The following CNTN4 variants were observed in gnomAD, a reference collection of about 807,000 sequenced individuals.
CNTN4 encodes the protein contactin 4.
In CNTN4, 77 loss-of-function variants were observed where a neutral mutation model predicts 122.5. The observed-to-expected ratio is 0.63, with a 90% CI of 0.52 to 0.76. The LOEUF is 0.76. Among genes scored for constraint, CNTN4 ranks in the 30% least tolerant of loss-of-function variants. CNTN4 has a pLI of 0.00. For synonymous variants in CNTN4, 512 were observed against 447.0 expected (o/e 1.15, Z -1.83); for missense variants, 1,256 against 1,259.1 (o/e 1.00, Z 0.04).
At chr3:2,440,380 C>T (rs2048391701) in intron 3 of CNTN4, among the ~76,000 whole-genome samples, 1 of 152,120 alleles carries the variant, frequency 6.6e-6, no homozygotes, top group Non-Finnish European at 1.5e-5. Flanking sequence ...TCTTTAAATT[C>T]CAAATGTATG....
chr3:2,287,693 G>GGAAGAGGAAGAA (rs2041973252), intron 2 of CNTN4, among the ~76,000 whole-genome samples: 10 of 81,006 alleles, frequency 1.2e-4, no homozygotes, highest in South Asian at 5.0e-4. Context: ...AAGAAGAAGA[G>GGAAGAGGAAGAA]GAAGAAGAAG....
At chr3:2,152,835 C>T (rs2035555067) in intron 2 of CNTN4, among the ~76,000 whole-genome samples, 1 of 152,122 alleles carries the variant, frequency 6.6e-6, no homozygotes, top group Admixed American at 6.5e-5. Flanking sequence ...AGATCGGGCT[C>T]AGCCTCTTGT....
chr3:2,661,245 A>G (rs980471016), intron 4 of CNTN4, among the ~76,000 whole-genome samples: 3 of 152,210 alleles, frequency 2.0e-5, no homozygotes, highest in African/African-American at 7.2e-5. Context: ...TATTCATGGC[A>G]GGGAAATATC....
At chr3:2,994,560 A>G (rs544875150) in intron 14 of CNTN4, among the ~76,000 whole-genome samples, 1 of 149,912 alleles carries the variant, frequency 6.7e-6, no homozygotes, top group East Asian at 1.9e-4. Flanking sequence ...CACCCCATAG[A>G]AAGTTTATTT....
At chr3:2,666,358 C>A (rs985046371) in intron 4 of CNTN4, among the ~76,000 whole-genome samples, 1 of 151,922 alleles carries the variant, frequency 6.6e-6, no homozygotes. Context: ...TCAAATAGGT[C>A]ATTATAAGTA....
chr3:2,602,253 C>T (rs921563809), intron 4 of CNTN4, among the ~76,000 whole-genome samples: 1 of 152,084 alleles, frequency 6.6e-6, no homozygotes, highest in African/African-American at 2.4e-5. Context: ...GGCAATCAGG[C>T]AGGAGAAAGA....
chr3:2,300,908 A>G (rs1193955424), intron 2 of CNTN4, among the ~76,000 whole-genome samples: 1 of 151,958 alleles, frequency 6.6e-6, no homozygotes, highest in Admixed American at 6.6e-5. Context: ...AATCAGAGAA[A>G]CCTGGAAAAT....
chr3:2,484,794 C>T (rs937288841), intron 3 of CNTN4, among the ~76,000 whole-genome samples: 2 of 152,230 alleles, frequency 1.3e-5, no homozygotes, highest in Non-Finnish European at 2.9e-5. Flanking sequence ...CCTCCTCAGC[C>T]TCTGCGCCCA....
intron 2 of CNTN4, among the ~76,000 whole-genome samples, chr3:2,110,919 A>G (rs1193984958): frequency 2.0e-5 from 3 of 152,204 alleles, no homozygotes; most frequent in Admixed American, 6.5e-5. Flanking sequence ...GCTTGGCAGT[A>G]GCATCATGTT....
At chr3:2,327,420 C>G (rs902758434) in intron 2 of CNTN4, among the ~76,000 whole-genome samples, 3 of 152,070 alleles carry the variant, frequency 2.0e-5, no homozygotes, top group Admixed American at 6.6e-5. Context: ...GAGAAATAGT[C>G]TATGATATTG....
At chr3:2,361,592 A>AC (rs1218748138) in intron 3 of CNTN4, among the ~76,000 whole-genome samples, 1 of 152,202 alleles carries the variant, frequency 6.6e-6, no homozygotes, top group East Asian at 1.9e-4. Context: ...GAAATTGATC[A>AC]CCTAATGTGT....
At chr3:2,974,344 G>A (rs1693216067) in intron 13 of CNTN4, among the ~76,000 whole-genome samples, 1 of 152,174 alleles carries the variant, frequency 6.6e-6, no homozygotes, top group Admixed American at 6.5e-5. Flanking sequence ...TTATTAGAAT[G>A]ATACTGAAAA....
intron 3 of CNTN4, among the ~76,000 whole-genome samples, chr3:2,489,580 A>G (rs920075477): frequency 1.8e-4 from 28 of 152,192 alleles, no homozygotes; most frequent in Non-Finnish European, 3.7e-4. Context: ...GTAACTTCCT[A>G]TGTTCAATTT....
At chr3:2,124,589 C>T (rs2034023028) in intron 2 of CNTN4, among the ~76,000 whole-genome samples, 1 of 151,932 alleles carries the variant, frequency 6.6e-6, no homozygotes, top group South Asian at 2.1e-4. Flanking sequence ...AAGTGAGCTC[C>T]TTGTCTCAAC....
intron 7 of CNTN4, among the ~76,000 whole-genome samples, chr3:2,848,240 A>G (rs1257442201): frequency 6.8e-6 from 1 of 147,600 alleles, no homozygotes; most frequent in Admixed American, 6.7e-5. Flanking sequence ...CCCTGTCTCA[A>G]AAAAAAAATA....
rs752061607 is a variant in CNTN4 at position 2,841,898 on chromosome 3, A to G, written c.454+22317A>G. Reference sequence around the variant, plus strand: ...AGTAAGAAGCTGATCAAAGGTGTTGAAAGCTGACTGTTAAAGGATTAATTA... The same window carrying G: ...AGTAAGAAGCTGATCAAAGGTGTTGGAAGCTGACTGTTAAAGGATTAATTA... On this transcript the variant is annotated intron_variant, in intron 7 of 24. Coordinates refer to ENST00000418658, the MANE Select transcript of CNTN4 (RefSeq NM_175607.3). The surrounding 1 kb of genome is among the most constrained non-coding windows in gnomAD (Gnocchi z 4.8). Among the ~76,000 whole-genome samples, 5 of 152,112 alleles carry G rather than the reference A, an allele frequency of 3.3e-5. No individual in the cohort carries two copies. Among genetic ancestry groups the G allele is most frequent in the Non-Finnish European group, 7.3e-5 (5 of 68,044 alleles).
chr3:2,460,343 C>A (rs2049159655), intron 3 of CNTN4, among the ~76,000 whole-genome samples: 1 of 152,082 alleles, frequency 6.6e-6, no homozygotes, highest in African/African-American at 2.4e-5. Flanking sequence ...CTTTGAGAAT[C>A]TCGTGCCAGG....
chr3:2,635,153 G>C (rs995172742), intron 4 of CNTN4, among the ~76,000 whole-genome samples: 6 of 152,014 alleles, frequency 3.9e-5, no homozygotes, highest in African/African-American at 1.2e-4. Flanking sequence ...CTACGCACCT[G>C]TTCAATGCCA....
chr3:2,206,009 C>T (rs2038325481), intron 2 of CNTN4, among the ~76,000 whole-genome samples: 3 of 152,026 alleles, frequency 2.0e-5, no homozygotes, highest in African/African-American at 7.2e-5. Context: ...TATTCCAGTT[C>T]TGTTTCTTTG....
Sources: gnomAD v4.1 joint callset for allele counts (sites outside exome capture counted in the v4.1 genomes callset) on GRCh38, gnomAD v4.1.1 for gene constraint, Gnocchi (gnomAD v3.1) non-coding constraint, MANE v1.5 for transcripts, NCBI Gene and HGNC (gene_info 2026-07-23, HGNC 2026-07-21) for gene names.